The following ASB3 variants were observed in gnomAD, a reference collection of about 807,000 sequenced individuals.
ASB3 encodes the protein ankyrin repeat and SOCS box protein 3.
ASB3 carries 41 observed loss-of-function variants against 54.5 expected under a neutral mutation model. The observed-to-expected ratio is 0.75, with a 90% CI of 0.59 to 0.98. The LOEUF (loss-of-function observed/expected upper bound fraction) is 0.98, where lower values mean the gene tolerates loss of function less well. Ranked by LOEUF, ASB3 falls within the 50% of genes least tolerant of loss-of-function variation. The pLI is 0.00. For synonymous variants in ASB3, 266 were observed against 221.2 expected, an observed-to-expected ratio of 1.20 and a Z score of -1.80; for missense variants, 733 against 620.0, an observed-to-expected ratio of 1.18 and a Z score of -1.94.
chr2:53,735,023 G>C (rs568994820), intron 3 of ASB3, among the ~76,000 whole-genome samples: 1 of 150,158 alleles, frequency 6.7e-6, no homozygotes, highest in Non-Finnish European at 1.5e-5. Flanking sequence ...AGGTTGAAGC[G>C]AATCTCCTGC....
chr2:53,768,534 T>G (rs1673661854), intron 1 of ASB3, among the ~76,000 whole-genome samples: 1 of 152,240 alleles, frequency 6.6e-6, no homozygotes. Context: ...AGTTTTATTT[T>G]CTGACACACA....
At chr2:53,775,033 T>G (rs1573023435) in intron 1 of ASB3, 1 of 152,798 alleles carries the variant, frequency 6.5e-6, no homozygotes, top group Middle Eastern at 3.4e-3. Context: ...AAGTATTAAA[T>G]GAAATCTTTT....
intron 8 of ASB3, among the ~76,000 whole-genome samples, chr2:53,695,751 G>A (rs1254091398): frequency 1.3e-5 from 2 of 152,112 alleles, no homozygotes; most frequent in African/African-American, 4.8e-5. Flanking sequence ...TCAACTAAAT[G>A]CACAAATGAC....
chr2:53,772,843 T>C (rs569680247), intron 1 of ASB3, among the ~76,000 whole-genome samples: 2 of 152,244 alleles, frequency 1.3e-5, no homozygotes, highest in Non-Finnish European at 2.9e-5. Flanking sequence ...ATTAGTTATT[T>C]TTCTAGATCC....
chr2:53,702,161 G>T (rs1185164502), intron 7 of ASB3, among the ~76,000 whole-genome samples: 3 of 152,002 alleles, frequency 2.0e-5, no homozygotes, highest in Admixed American at 6.6e-5. Context: ...GTATTAGAAG[G>T]GGCAAGAGTA....
chr2:53,762,866 T>G (rs1453160679), intron 2 of ASB3, among the ~76,000 whole-genome samples: 1 of 152,234 alleles, frequency 6.6e-6, no homozygotes, highest in African/African-American at 2.4e-5. Flanking sequence ...CACACTTGAA[T>G]GCTCTTCTCC....
chr2:53,749,964 A>C (rs1350750174), intron 3 of ASB3, among the ~76,000 whole-genome samples: 1 of 152,124 alleles, frequency 6.6e-6, no homozygotes, highest in African/African-American at 2.4e-5. Flanking sequence ...TAAGTCCACA[A>C]GGAAAAAAAG....
chr2:53,718,080 G>C (rs1158013320), intron 5 of ASB3, among the ~76,000 whole-genome samples: 1 of 152,170 alleles, frequency 6.6e-6, no homozygotes, highest in Non-Finnish European at 1.5e-5. Context: ...ATTCCTGAGA[G>C]AGAAGGAGAA....
At chr2:53,767,156 C>T (rs1245044715) in intron 1 of ASB3, 3 of 151,958 alleles carry the variant, frequency 2.0e-5, no homozygotes, top group Non-Finnish European at 4.4e-5. Context: ...TTACAGGGGC[C>T]CCAAGTTAAG....
intron 1 of ASB3, chr2:53,767,954 G>C: frequency 6.2e-7 from 1 of 1,614,134 alleles, no homozygotes; most frequent in Non-Finnish European, 8.5e-7. Flanking sequence ...AAGCTGGTCG[G>C]ATACATCACC....
intron 9 of ASB3, among the ~76,000 whole-genome samples, chr2:53,671,577 T>C (rs1048003559): frequency 2.6e-5 from 4 of 151,982 alleles, no homozygotes; most frequent in Non-Finnish European, 5.9e-5. Context: ...CTGACCAACA[T>C]GGTGAAACAA....
chr2:53,710,648 G>C (rs890495466), intron 7 of ASB3, among the ~76,000 whole-genome samples: 1 of 152,162 alleles, frequency 6.6e-6, no homozygotes, highest in African/African-American at 2.4e-5. Context: ...TTTTTGGTTT[G>C]TTTATTTCAG....
At chr2:53,694,267 G>C in intron 8 of ASB3, 2 of 346,884 alleles carry the variant, frequency 5.8e-6, no homozygotes, top group Non-Finnish European at 1.0e-5. Flanking sequence ...AGAGAGAGTA[G>C]GAACTTTCCT....
chr2:53,758,151 A>G (rs1006970927), intron 2 of ASB3, among the ~76,000 whole-genome samples: 39 of 152,244 alleles, frequency 2.6e-4, no homozygotes, highest in Admixed American at 6.5e-4. Context: ...CTGTGACCCT[A>G]TAACACTCCA....
intron 9 of ASB3, among the ~76,000 whole-genome samples, chr2:53,672,948 G>C (rs1241391971): frequency 2.0e-5 from 3 of 152,062 alleles, no homozygotes. Context: ...TAATTCATTA[G>C]CTTGTGCAAT....
In ASB3 at chr2:53,688,304, A is replaced by T. The variant is rs1342573966; in HGVS notation, c.1369+5580T>A. On this transcript the variant is annotated intron_variant, in intron 9 of 9. Transcript: ENST00000263634. ...TCTGCAGGTCAGGCAATTCTCCTAA[A>T]ATGACACTTGAGTGTCCCAGGTGTC... 2.0e-5 allele frequency among the ~76,000 whole-genome samples: 3 copies of T among 152,166 alleles called. No homozygotes were observed. In the East Asian group the frequency reaches 5.8e-4, roughly 29 times the overall value.
At chr2:53,784,591 T>C (rs1447529573) in intron 1 of ASB3, among the ~76,000 whole-genome samples, 1 of 152,212 alleles carries the variant, frequency 6.6e-6, no homozygotes, top group Non-Finnish European at 1.5e-5. Context: ...TCCTAGCTTG[T>C]GGTGATTACT....
intron 3 of ASB3, among the ~76,000 whole-genome samples, chr2:53,729,779 T>C (rs912615174): frequency 1.3e-5 from 2 of 152,200 alleles, no homozygotes; most frequent in Non-Finnish European, 2.9e-5. Context: ...AATAGCATGT[T>C]AAAAGACACA....
At chr2:53,707,004 C>T (rs1489749542) in intron 7 of ASB3, among the ~76,000 whole-genome samples, 4 of 152,126 alleles carry the variant, frequency 2.6e-5, no homozygotes, top group African/African-American at 9.7e-5. Flanking sequence ...TTGCTGTTTA[C>T]CCTGCCCAGC....
Sources: gnomAD v4.1 joint callset for allele counts (sites outside exome capture counted in the v4.1 genomes callset) on GRCh38, gnomAD v4.1.1 for gene constraint, MANE v1.5 for transcripts, NCBI Gene and HGNC (gene_info 2026-07-23, HGNC 2026-07-21) for gene names.